PRELID2: variants seen among roughly 807,000 people sequenced by gnomAD.
PRELID2 encodes PRELI domain containing 2.
A neutral mutation model predicts 28.4 loss-of-function variants in PRELID2; 25 were observed. The observed-to-expected ratio is 0.88, with a 90% CI of 0.64 to 1.23. The LOEUF is 1.23. Ranked by LOEUF, PRELID2 falls within the 50% of genes most tolerant of loss-of-function variation. PRELID2 has a pLI of 0.00. For missense variants in PRELID2, 201 were observed against 214.4 expected (o/e 0.94, Z 0.39); for synonymous variants, 76 against 71.6 (o/e 1.06, Z -0.31).
At chr5:145,352,573 G>A in the PRELID2 span, among the ~76,000 whole-genome samples, 9 of 152,298 alleles carry the variant, frequency 5.9e-5, no homozygotes, top group African/African-American at 1.4e-4. Context: ...GGAGGTTTCT[G>A]ACATGGCCTG....
intron 1 of PRELID2, among the ~76,000 whole-genome samples, chr5:145,535,520 T>C (rs1251613199): frequency 6.6e-6 from 1 of 151,890 alleles, no homozygotes; most frequent in Non-Finnish European, 1.5e-5. Flanking sequence ...TTTTTTATTA[T>C]TATTATATTT....
chr5:145,641,639 C>T (rs1411609360), intron 1 of PRELID2, among the ~76,000 whole-genome samples: 1 of 152,138 alleles, frequency 6.6e-6, no homozygotes, highest in Non-Finnish European at 1.5e-5. Context: ...TTAGGTATTT[C>T]TTCTAATGCT....
the PRELID2 span, among the ~76,000 whole-genome samples, chr5:145,298,548 T>A: frequency 1.3e-5 from 2 of 152,136 alleles, no homozygotes; most frequent in Non-Finnish European, 2.9e-5. Flanking sequence ...TTGAAGGCTT[T>A]GTTCTCATAG....
chr5:145,692,155 C>T (rs1005591223), intron 1 of PRELID2, among the ~76,000 whole-genome samples: 1 of 152,134 alleles, frequency 6.6e-6, no homozygotes, highest in Non-Finnish European at 1.5e-5. Context: ...GCCACACACT[C>T]CTTGAGGTTC....
the PRELID2 span, among the ~76,000 whole-genome samples, chr5:145,370,773 T>C: frequency 2.6e-5 from 4 of 152,276 alleles, no homozygotes; most frequent in South Asian, 8.3e-4. Context: ...TTTTCTCGTT[T>C]GTTTCCTCTC....
At chr5:145,671,843 C>T (rs994636237) in intron 1 of PRELID2, among the ~76,000 whole-genome samples, 5 of 152,034 alleles carry the variant, frequency 3.3e-5, no homozygotes, top group East Asian at 1.9e-4. Flanking sequence ...TACCAAGAAA[C>T]GCAAGTGTAA....
chr5:145,643,205 G>C (rs1242206790), intron 1 of PRELID2, among the ~76,000 whole-genome samples: 2 of 152,162 alleles, frequency 1.3e-5, no homozygotes, highest in African/African-American at 4.8e-5. Flanking sequence ...GCAGTAGTTT[G>C]TAGTTCTCCC....
At chr5:145,360,058 T>A in the PRELID2 span, among the ~76,000 whole-genome samples, 1 of 152,112 alleles carries the variant, frequency 6.6e-6, no homozygotes, top group South Asian at 2.1e-4. Context: ...GCAGGTGCCA[T>A]AAGTATCACA....
At chr5:145,273,457 A>T in the PRELID2 span, among the ~76,000 whole-genome samples, 1 of 152,054 alleles carries the variant, frequency 6.6e-6, no homozygotes, top group African/African-American at 2.4e-5. Flanking sequence ...GAAGAAAGGA[A>T]ACCCCATAGA....
chr5:145,415,407 T>G, the PRELID2 span, among the ~76,000 whole-genome samples: 1 of 151,848 alleles, frequency 6.6e-6, no homozygotes, highest in African/African-American at 2.4e-5. Context: ...GCATTAGGTA[T>G]ATCACCTAAT....
the PRELID2 span, among the ~76,000 whole-genome samples, chr5:145,258,552 A>T: frequency 3.3e-5 from 5 of 152,294 alleles, 1 homozygote; most frequent in African/African-American, 1.2e-4. Context: ...TGGAACTTTT[A>T]CCTCAAGAGT....
At chr5:145,335,031 G>A in the PRELID2 span, among the ~76,000 whole-genome samples, 19 of 151,980 alleles carry the variant, frequency 1.3e-4, no homozygotes, top group Non-Finnish European at 2.5e-4. Context: ...TGAAGATTTT[G>A]TCTATTATTT....
the PRELID2 span, chr5:145,338,276 T>C: frequency 6.6e-6 from 1 of 152,268 alleles, no homozygotes; most frequent in Non-Finnish European, 1.5e-5. Context: ...ATTTGCTTGC[T>C]GGATGTGATG....
intron 1 of PRELID2, among the ~76,000 whole-genome samples, chr5:145,683,530 C>T (rs573129180): frequency 2.0e-5 from 3 of 152,114 alleles, no homozygotes; most frequent in Non-Finnish European, 4.4e-5. Flanking sequence ...TTCAGATGGC[C>T]ACCTTCTCGC....
At chr5:145,433,176 T>C in the PRELID2 span, among the ~76,000 whole-genome samples, 3 of 152,150 alleles carry the variant, frequency 2.0e-5, no homozygotes, top group Admixed American at 2.0e-4. Context: ...GGATGTGTAG[T>C]ATTAGAAAAC....
the PRELID2 span, among the ~76,000 whole-genome samples, chr5:145,307,082 C>T: frequency 5.7e-3 from 873 of 152,288 alleles, 6 homozygotes; most frequent in African/African-American, 0.02. Context: ...TCACATAGGG[C>T]ATTAATTTTC....
the PRELID2 span, among the ~76,000 whole-genome samples, chr5:145,358,987 G>C: frequency 6.6e-6 from 1 of 152,112 alleles, no homozygotes; most frequent in African/African-American, 2.4e-5. Flanking sequence ...AGGACTCTGG[G>C]CACCTGCCCA....
At chr5:145,312,191 C>CA in the PRELID2 span, among the ~76,000 whole-genome samples, 45,253 of 141,712 alleles carry the variant, frequency 0.32, 7,579 homozygotes, top group Non-Finnish European at 0.39. Context: ...ACTAAAAATA[C>CA]AAAAAAAAAA....
chr5:145,568,486 A>C (rs112378616), intron 1 of PRELID2, among the ~76,000 whole-genome samples: 17 of 152,362 alleles, frequency 1.1e-4, no homozygotes, highest in Non-Finnish European at 2.4e-4. Context: ...CATAATGGAA[A>C]AACTTGCTTC....
Sources: gnomAD v4.1 joint callset for allele counts (sites outside exome capture counted in the v4.1 genomes callset) on GRCh38, gnomAD v4.1.1 for gene constraint, MANE v1.5 for transcripts, NCBI Gene and HGNC (gene_info 2026-07-23, HGNC 2026-07-21) for gene names.